The following STON2 variants were observed in gnomAD, a reference collection of about 807,000 sequenced individuals.
The protein encoded by STON2 is stonin 2.
In STON2, 29 loss-of-function variants were observed where a neutral mutation model predicts 65.7. The observed-to-expected ratio is 0.44, with a 90% CI of 0.33 to 0.60. STON2 has a LOEUF of 0.60. STON2 is among the 20% of genes least tolerant of loss of function. The pLI, the probability that STON2 is intolerant of heterozygous loss-of-function variation, is 0.03. For synonymous variants in STON2, 404 were observed against 414.2 expected, an observed-to-expected ratio of 0.98 and a Z score of 0.30; for missense variants, 1,054 against 1,118.1, an observed-to-expected ratio of 0.94 and a Z score of 0.82.
intron 4 of STON2, among the ~76,000 whole-genome samples, chr14:81,345,532 T>G (rs1028555539): frequency 6.6e-6 from 1 of 152,030 alleles, no homozygotes; most frequent in African/African-American, 2.4e-5. Flanking sequence ...GAGCCTGAGG[T>G]AGAAGGATGG....
At position 81,261,785 on chromosome 14, in the gene STON2, C is replaced by A. The variant is rs1595254593; in HGVS notation, c.*6629G>T. On this transcript the variant is annotated 3_prime_UTR_variant, in exon 8 of 8. Coordinates refer to ENST00000614646, the MANE Select transcript of STON2 (RefSeq NM_001394390.1). ...ACCTGTCTGTGCCTCTTCATGCTCA[C>A]ACCATTGTTCTGATAGATGATGCCA... 1 of 1,518,304 alleles carries A rather than the reference C, an allele frequency of 6.6e-7. No homozygotes were observed. The highest frequency in any genetic ancestry group is 8.8e-7 in the Non-Finnish European group (1 of 1,141,732). 94.1% of individuals were successfully genotyped at this position (1,518,304 alleles called of 1,614,324 possible).
At chr14:81,425,876 A>C (rs1311480390) in intron 2 of STON2, among the ~76,000 whole-genome samples, 1 of 152,046 alleles carries the variant, frequency 6.6e-6, no homozygotes, top group Non-Finnish European at 1.5e-5. Context: ...TATTTCCCTG[A>C]CCTCTCTCTT....
At chr14:81,405,764 G>A (rs1566946442) in intron 2 of STON2, among the ~76,000 whole-genome samples, 1 of 152,098 alleles carries the variant, frequency 6.6e-6, no homozygotes, top group Non-Finnish European at 1.5e-5. Context: ...TCTTGACAGG[G>A]TATGATGGTT....
Position 81,414,423 on chromosome 14 carries a change from T to G in STON2, c.-199+12679A>C, listed in dbSNP as rs531525437. 2.6e-5 allele frequency among the ~76,000 whole-genome samples: 4 copies of G among 152,170 alleles called. No homozygotes were observed. The East Asian group carries it at 7.7e-4, about 29-fold the overall frequency. On this transcript the variant is annotated intron_variant, in intron 2 of 8. Coordinates refer to the STON2 transcript ENST00000553821. The stretch of plus-strand genomic sequence containing the variant: ...GGATGCTCACACTTAGAAAGCTCCA[T>G]CCAACCTTTAGAACCCTGTGACGCC...
Position 81,261,944 on chromosome 14 carries a change from TAAAAAA to T in STON2, c.*6464_*6469del. 13 of 1,194,836 alleles carry T rather than the reference TAAAAAA, an allele frequency of 1.1e-5. No individual in the cohort carries two copies. Among genetic ancestry groups the T allele is most frequent in the Admixed American group, 1.1e-4 (2 of 18,560 alleles). The allele number at this position is 1,194,836 out of a possible 1,614,324, so 74.0% of individuals were successfully genotyped here. The stretch of plus-strand genomic sequence containing the variant: ...CTGTTTCTGTTGTCTGGGGAAATGA[TAAAAAA>T]AAAAAAAAAAAAGAGAGAGATGTGA... On this transcript the variant is annotated 3_prime_UTR_variant, in exon 8 of 8. Transcript: ENST00000614646.
In STON2 at chr14:81,278,410, G is replaced by A. The variant is rs1894961315; in HGVS notation, c.1072C>T (p.Pro358Ser). ...CAAGGTGAAGCCTCAGTTACAGAAG[G>A]CGTGCGGTTTAAAGAGGAAATATCC... ...KLDISSLNRT[P>S]SVTEASPWRA... Residue 358 changes from proline (P) to serine (S), a missense_variant, in exon 6 of 8, where the codon CCT becomes TCT. Transcript: ENST00000614646. The A allele has an allele frequency of 1.2e-6, 2 of 1,614,114 alleles. No homozygotes were observed. Among genetic ancestry groups the A allele is most frequent in the African/African-American group, 2.7e-5 (2 of 74,940 alleles).
intron 4 of STON2, among the ~76,000 whole-genome samples, chr14:81,343,824 CATT>C (rs148583781): frequency 6.9e-4 from 105 of 152,150 alleles, no homozygotes; most frequent in Non-Finnish European, 1.2e-3. Context: ...GTATTGTCAT[CATT>C]ATTATTATTA....
Position 81,267,799 on chromosome 14 carries a change from T to TA in STON2, c.*614dup. On this transcript the variant is annotated 3_prime_UTR_variant, in exon 8 of 8. Transcript: ENST00000614646. ...ATAGCAAATCCTGTGACTGAAACCT[T>TA]AGAGAGATGGAAAAAGTGTTCCAAT... 1.0e-6 allele frequency: 1 copy of TA among 985,366 alleles called. No homozygotes were observed. Among genetic ancestry groups the TA allele is most frequent in the Non-Finnish European group, 1.2e-6 (1 of 829,926 alleles). The allele number at this position is 985,366 out of a possible 1,614,324, so 61.0% of individuals were successfully genotyped here.
intron 4 of STON2, among the ~76,000 whole-genome samples, chr14:81,356,972 T>A (rs1220590030): frequency 6.6e-6 from 1 of 152,160 alleles, no homozygotes; most frequent in African/African-American, 2.4e-5. Context: ...CCATTACCAT[T>A]TCAGGACATA....
intron 2 of STON2, among the ~76,000 whole-genome samples, chr14:81,415,221 T>C (rs532926061): frequency 8.4e-4 from 128 of 151,686 alleles, no homozygotes; most frequent in Middle Eastern, 6.8e-3. Flanking sequence ...ATTACCTCCT[T>C]TGTTCCTCTT....
intron 5 of STON2, among the ~76,000 whole-genome samples, chr14:81,312,598 C>A (rs1896467333): frequency 6.6e-6 from 1 of 152,226 alleles, no homozygotes. Context: ...AGATGAACGT[C>A]CATCACACCT....
Position 81,277,901 on chromosome 14 carries a change from T to TG in STON2, c.1580dup (p.Phe528IlefsTer3). 6.2e-7 allele frequency: 1 copy of TG among 1,614,202 alleles called. No individual in the cohort carries two copies. The highest frequency in any genetic ancestry group is 8.5e-7 in the Non-Finnish European group (1 of 1,180,034). On this transcript the variant is annotated frameshift_variant, in exon 6 of 8. Coordinates refer to ENST00000614646, the MANE Select transcript of STON2 (RefSeq NM_001394390.1). LOFTEE classifies it high-confidence loss of function. Reference sequence around the variant, plus strand: ...AGATCTCCAGCTTGAACTCACGGAATGGTTTTTCTAGGCCCTGCTCATAAT... The same window carrying TG: ...AGATCTCCAGCTTGAACTCACGGAATGGGTTTTTCTAGGCCCTGCTCATAAT...
intron 2 of STON2, among the ~76,000 whole-genome samples, chr14:81,414,142 C>T (rs1901305537): frequency 7.2e-6 from 1 of 138,414 alleles, no homozygotes; most frequent in Non-Finnish European, 1.5e-5. Flanking sequence ...GGTGATAGTC[C>T]CACTGACCGG....
intron 7 of STON2, chr14:81,269,999 G>C: frequency 1.0e-6 from 1 of 985,052 alleles, no homozygotes. Flanking sequence ...TATGCTTTGG[G>C]ATAGCATTTT....
At chr14:81,299,929 A>T (rs1895906412) in intron 5 of STON2, among the ~76,000 whole-genome samples, 1 of 151,896 alleles carries the variant, frequency 6.6e-6, no homozygotes. Flanking sequence ...TATGATTCCA[A>T]TAAAAACTCC....
intron 1 of STON2, among the ~76,000 whole-genome samples, chr14:81,432,751 C>T (rs1222058892): frequency 6.6e-6 from 1 of 152,240 alleles, no homozygotes; most frequent in Non-Finnish European, 1.5e-5. Context: ...ATGAGCATTG[C>T]ATCTGCAATT....
intron 3 of STON2, among the ~76,000 whole-genome samples, chr14:81,391,775 T>C (rs1257352509): frequency 6.6e-6 from 1 of 152,190 alleles, no homozygotes; most frequent in Non-Finnish European, 1.5e-5. Context: ...ATGGTTTATT[T>C]CTGCTTCTTG....
chr14:81,365,049 G>A (rs1296611206), intron 4 of STON2, among the ~76,000 whole-genome samples: 1 of 152,166 alleles, frequency 6.6e-6, no homozygotes, highest in Non-Finnish European at 1.5e-5. Context: ...GCTATACAGT[G>A]GATCAAGGCC....
At chr14:81,288,958 C>T (rs1421969812) in intron 5 of STON2, among the ~76,000 whole-genome samples, 3 of 150,366 alleles carry the variant, frequency 2.0e-5, no homozygotes, top group Non-Finnish European at 1.5e-5. Context: ...AATGCCCACA[C>T]TCTTACTGTG....
Sources: allele counts gnomAD v4.1 joint callset (sites outside exome capture counted in the v4.1 genomes callset), GRCh38; gene constraint gnomAD v4.1.1; transcripts MANE v1.5; gene names NCBI Gene and HGNC (gene_info 2026-07-23, HGNC 2026-07-21).